Variants in RAB15 observed in about 807,000 individuals in gnomAD.
RAB15 encodes RAB15, member RAS oncogene family.
Under a neutral mutation model 31.8 loss-of-function variants are expected in RAB15, and 13 were observed. That is an observed-to-expected ratio of 0.41 (90% CI 0.27 to 0.65). RAB15 has a LOEUF of 0.65. Among genes scored for constraint, RAB15 ranks in the 30% least tolerant of loss-of-function variants. RAB15 has a pLI of 0.32. For synonymous variants in RAB15, 100 were observed against 105.6 expected (o/e 0.95, Z 0.33); for missense variants, 220 against 277.3 (o/e 0.79, Z 1.47).
intron 1 of RAB15, among the ~76,000 whole-genome samples, chr14:64,966,548 T>A (rs1887151715): frequency 6.6e-6 from 1 of 151,630 alleles, no homozygotes; most frequent in South Asian, 2.1e-4. Flanking sequence ...AATAAATAAA[T>A]AAAATAATAA....
At chr14:64,964,454 A>G (rs1389182930) in intron 1 of RAB15, among the ~76,000 whole-genome samples, 3 of 148,970 alleles carry the variant, frequency 2.0e-5, no homozygotes, top group Non-Finnish European at 4.5e-5. Flanking sequence ...CCTGGGAGGC[A>G]GAGGTGGCAG....
chr14:64,970,739 C>G lies in RAB15; in HGVS notation c.124+1214G>C, dbSNP rs149551482. Among the ~76,000 whole-genome samples, 168 of 152,314 alleles carry G rather than the reference C, an allele frequency of 1.1e-3. 1 individual carries two copies. The highest frequency in any genetic ancestry group is 3.3e-3 in the African/African-American group (138 of 41,568). ...TCTACAGATGAGAAACTAAATAAAGCTCAGAAGTTTAGGCAATATTCAAGG... is the reference window on the plus strand; with the variant it reads ...TCTACAGATGAGAAACTAAATAAAGGTCAGAAGTTTAGGCAATATTCAAGG... On this transcript the variant is annotated intron_variant, in intron 1 of 6. Coordinates refer to ENST00000533601, the MANE Select transcript of RAB15 (RefSeq NM_001308154.2). This position sits in a 1 kb window ranked among gnomAD's most constrained non-coding sequence, Gnocchi z 4.1.
In RAB15 at chr14:64,971,916, C is replaced by A. The variant is rs1887446644; in HGVS notation, c.124+37G>T. 7.6e-7 allele frequency: 1 copy of A among 1,318,010 alleles called. No homozygotes were observed. 81.6% of individuals were successfully genotyped at this position (1,318,010 alleles called of 1,614,324 possible). Reference sequence around the variant, plus strand: ...GGGCGGCGGGGAAAGGGGCCGCGGGCGGGGAGGGAGGGGCGCCCCGGGCCA... The same window carrying A: ...GGGCGGCGGGGAAAGGGGCCGCGGGAGGGGAGGGAGGGGCGCCCCGGGCCA... On this transcript the variant is annotated intron_variant, in intron 1 of 6. Coordinates refer to ENST00000533601, the MANE Select transcript of RAB15 (RefSeq NM_001308154.2). The surrounding 1 kb of genome is among the most constrained non-coding windows in gnomAD (Gnocchi z 4.1).
chr14:64,965,592 G>A (rs1332457413), intron 1 of RAB15, among the ~76,000 whole-genome samples: 3 of 152,200 alleles, frequency 2.0e-5, no homozygotes, highest in Non-Finnish European at 4.4e-5. Context: ...CAAGGAGAGG[G>A]CAGAGGCCTA....
At chr14:64,956,272 C>T (rs535413776) in intron 1 of RAB15, among the ~76,000 whole-genome samples, 11 of 151,810 alleles carry the variant, frequency 7.2e-5, no homozygotes, top group Non-Finnish European at 7.4e-5. Flanking sequence ...GTCATGGTGG[C>T]GGGCACCTGT....
rs557227417 is a variant in RAB15 at position 64,968,415 on chromosome 14, C to T, written c.124+3538G>A. 8.5e-4 allele frequency among the ~76,000 whole-genome samples: 129 copies of T among 152,288 alleles called. No homozygotes were observed. The highest frequency in any genetic ancestry group is 2.6e-3 in the African/African-American group (106 of 41,558). On this transcript the variant is annotated intron_variant, in intron 1 of 6. Coordinates refer to ENST00000533601, the MANE Select transcript of RAB15 (RefSeq NM_001308154.2). This position sits in a 1 kb window ranked among gnomAD's most constrained non-coding sequence, Gnocchi z 4.9. ...AGGGGCCTCTCTCTTCCCCAGCCTC[C>T]GACAGCATGGAGTCGTGGGAATAGC...
In RAB15 at chr14:64,972,158, G is replaced by A; in HGVS notation, c.-82C>T. ...GCCGCTGCCATCGCGGCCCGCGCCC[G>A]CCCGGGGACGCTGCGGGCGGCGAGG... On this transcript the variant is annotated 5_prime_UTR_variant, in exon 1 of 7. Transcript: ENST00000533601. This position sits in a 1 kb window ranked among gnomAD's most constrained non-coding sequence, Gnocchi z 6.3. The A allele has an allele frequency of 2.6e-6, 3 of 1,163,540 alleles. No individual in the cohort carries two copies. Among genetic ancestry groups the A allele is most frequent in the South Asian group, 4.2e-5 (1 of 23,562 alleles). 72.1% of individuals were successfully genotyped at this position (1,163,540 alleles called of 1,614,324 possible).
rs1011606914 is a variant in RAB15, at chr14:64,953,045, C to T, written c.125-474G>A. On this transcript the variant is annotated intron_variant, in intron 1 of 6. Transcript: ENST00000533601. The surrounding 1 kb of genome is among the most constrained non-coding windows in gnomAD (Gnocchi z 4.6). ...AACCAGAAGGGGTCATAGTGCCAGA[C>T]TGTGGAGAGAGAGGAGGGCTCTTCC... 3.3e-5 allele frequency among the ~76,000 whole-genome samples: 5 copies of T among 152,226 alleles called. No homozygotes were observed. The highest frequency in any genetic ancestry group is 2.0e-4 in the Admixed American group (3 of 15,280).
Position 64,948,502 on chromosome 14 carries a change from C to T in RAB15, c.491G>A (p.Arg164His), listed in dbSNP as rs374209406. The change falls in exon 7 of 7, where the codon CGT (arginine) becomes CAT (histidine). Residue 164 changes from arginine to histidine, a missense_variant. By Grantham distance (29) the Arg-to-His change is conservative. Coordinates refer to ENST00000533601, the MANE Select transcript of RAB15 (RefSeq NM_001308154.2). This position sits in a 1 kb window ranked among gnomAD's most constrained non-coding sequence, Gnocchi z 7.0. ...GGCCTGCAGCACCAGCTCTGTCAGA[C>T]GCGTGAATGACTGGAAACCAAAGGG... ...TNLNIKESFT[R>H]LTELVLQAHR... 20 of 1,606,718 alleles carry T rather than the reference C, an allele frequency of 1.2e-5. No homozygotes were observed. Among genetic ancestry groups the T allele is most frequent in the Middle Eastern group, 3.3e-4 (2 of 6,024 alleles).
chr14:64,971,318 T>C lies in RAB15; in HGVS notation c.124+635A>G, dbSNP rs531430228. Among the ~76,000 whole-genome samples the C allele has an allele frequency of 6.6e-6, 1 of 152,296 alleles. No homozygotes were observed. Among genetic ancestry groups the C allele is most frequent in the African/African-American group, 2.4e-5 (1 of 41,568 alleles). On this transcript the variant is annotated intron_variant, in intron 1 of 6. Coordinates refer to ENST00000533601, the MANE Select transcript of RAB15 (RefSeq NM_001308154.2). This position sits in a 1 kb window ranked among gnomAD's most constrained non-coding sequence, Gnocchi z 4.1. ...ACCCCTTGGTCTGGGCAGGTATTCC[T>C]GACACTCCTCCATCCTCTTTAGCCT...
rs569484222 is a variant in RAB15 at position 64,972,278 on chromosome 14, C to G, written c.-202G>C. ...AAGCGCGGCTGCGGCGGGAGCCCGGCGCGGCGCCCGCTCGGCTCGGCTCGG... is the reference window on the plus strand; with the variant it reads ...AAGCGCGGCTGCGGCGGGAGCCCGGGGCGGCGCCCGCTCGGCTCGGCTCGG... On this transcript the variant is annotated 5_prime_UTR_variant, in exon 1 of 7. Transcript: ENST00000533601. The surrounding 1 kb of genome is among the most constrained non-coding windows in gnomAD (Gnocchi z 6.3). The G allele has an allele frequency of 2.2e-5, 4 of 183,818 alleles. No homozygotes were observed. Among genetic ancestry groups the G allele is most frequent in the African/African-American group, 7.2e-5 (3 of 41,532 alleles). 11.4% of individuals were successfully genotyped at this position (183,818 alleles called of 1,614,324 possible). A position where few individuals can be genotyped will look rare whatever the true frequency, so the allele number is the denominator to read the frequency against.
intron 5 of RAB15, among the ~76,000 whole-genome samples, chr14:64,949,387 C>T (rs1886104338): frequency 6.6e-6 from 1 of 152,144 alleles, no homozygotes; most frequent in Admixed American, 6.5e-5. Flanking sequence ...GAGAGGAAAA[C>T]TCTTGAGGTC....
Position 64,955,660 on chromosome 14 carries a change from G to T in RAB15, c.125-3089C>A, listed in dbSNP as rs1886512489. On this transcript the variant is annotated intron_variant, in intron 1 of 6. Coordinates refer to ENST00000533601, the MANE Select transcript of RAB15 (RefSeq NM_001308154.2). The surrounding 1 kb of genome is among the most constrained non-coding windows in gnomAD (Gnocchi z 4.4). ...ACCTTCTCCACTGTTTTATGGCCCA[G>T]ATGAATGCCTTTCCTCTGAAGCCAC... is the stretch of plus-strand genomic sequence containing the variant. Among the ~76,000 whole-genome samples, 1 of 152,090 alleles carries T rather than the reference G, an allele frequency of 6.6e-6. No homozygotes were observed.
intron 1 of RAB15, among the ~76,000 whole-genome samples, chr14:64,961,996 C>T (rs1300502877): frequency 2.6e-5 from 4 of 151,766 alleles, no homozygotes; most frequent in Admixed American, 6.6e-5. Context: ...AGGCAGGTCA[C>T]CTGAGGTCAG....
Position 64,950,678 on chromosome 14 carries a change from T to G in RAB15, c.325-264A>C. On this transcript the variant is annotated intron_variant, in intron 4 of 6. Coordinates refer to ENST00000533601, the MANE Select transcript of RAB15 (RefSeq NM_001308154.2). This position sits in a 1 kb window ranked among gnomAD's most constrained non-coding sequence, Gnocchi z 5.6. Reference sequence around the variant, plus strand: ...CTGGTATCAGAGCTGGAAAGGACATTGGATGTAAGTCCAGCCCTCATTCTA... The same window carrying G: ...CTGGTATCAGAGCTGGAAAGGACATGGGATGTAAGTCCAGCCCTCATTCTA... The G allele has an allele frequency of 1.7e-6, 1 of 597,616 alleles. No homozygotes were observed. Among genetic ancestry groups the G allele is most frequent in the Non-Finnish European group, 3.0e-6 (1 of 336,082 alleles). The allele number at this position is 597,616 out of a possible 1,614,324, so 37.0% of individuals were successfully genotyped here.
At position 64,972,096 on chromosome 14, in the gene RAB15, G is replaced by C. The variant is rs1292362807; in HGVS notation, c.-20C>G. On this transcript the variant is annotated 5_prime_UTR_variant, in exon 1 of 7. Transcript: ENST00000533601. This position sits in a 1 kb window ranked among gnomAD's most constrained non-coding sequence, Gnocchi z 6.3. Reference sequence around the variant, plus strand: ...CGCCATGACTGGGGCCAGCGGGGCCGGGAACTGCGGGCGGGCAGCGGGCTC... The same window carrying C: ...CGCCATGACTGGGGCCAGCGGGGCCCGGAACTGCGGGCGGGCAGCGGGCTC... 2 of 1,579,832 alleles carry C rather than the reference G, an allele frequency of 1.3e-6. No homozygotes were observed. The highest frequency in any genetic ancestry group is 1.1e-5 in the South Asian group (1 of 88,120).
In RAB15 at chr14:64,972,091, G is replaced by C; in HGVS notation, c.-15C>G. The C allele has an allele frequency of 1.3e-6, 2 of 1,589,650 alleles. No individual in the cohort carries two copies. The highest frequency in any genetic ancestry group is 1.7e-6 in the Non-Finnish European group (2 of 1,170,706). Reference sequence around the variant, plus strand: ...TGCTTCGCCATGACTGGGGCCAGCGGGGCCGGGAACTGCGGGCGGGCAGCG... The same window carrying C: ...TGCTTCGCCATGACTGGGGCCAGCGCGGCCGGGAACTGCGGGCGGGCAGCG... On this transcript the variant is annotated 5_prime_UTR_variant, in exon 1 of 7. Coordinates refer to ENST00000533601, the MANE Select transcript of RAB15 (RefSeq NM_001308154.2). This position sits in a 1 kb window ranked among gnomAD's most constrained non-coding sequence, Gnocchi z 6.3.
At chr14:64,965,262 A>G (rs1887071954) in intron 1 of RAB15, among the ~76,000 whole-genome samples, 1 of 152,116 alleles carries the variant, frequency 6.6e-6, no homozygotes, top group African/African-American at 2.4e-5. Context: ...GTTCGAGACC[A>G]GCCTGGCCAA....
rs1354304171 is a variant in RAB15, at chr14:64,955,460, G to A, written c.125-2889C>T. ...CCACTGCTGAGCACTGCAGGACAAA[G>A]TCAACACACTGGCCTTATTGAGGCC... On this transcript the variant is annotated intron_variant, in intron 1 of 6. Coordinates refer to ENST00000533601, the MANE Select transcript of RAB15 (RefSeq NM_001308154.2). This position sits in a 1 kb window ranked among gnomAD's most constrained non-coding sequence, Gnocchi z 4.4. 6.6e-6 allele frequency among the ~76,000 whole-genome samples: 1 copy of A among 152,222 alleles called. No homozygotes were observed. Among genetic ancestry groups the A allele is most frequent in the Non-Finnish European group, 1.5e-5 (1 of 68,030 alleles).
Sources: gnomAD v4.1 joint callset for allele counts (sites outside exome capture counted in the v4.1 genomes callset) on GRCh38, gnomAD v4.1.1 for gene constraint, Gnocchi (gnomAD v3.1) non-coding constraint, MANE v1.5 for transcripts, NCBI Gene and HGNC (gene_info 2026-07-23, HGNC 2026-07-21) for gene names.